BICC1: variants seen among roughly 807,000 people sequenced by gnomAD.
BICC1 encodes BicC family RNA binding protein 1.
A neutral mutation model predicts 111.0 loss-of-function variants in BICC1; 43 were observed. The ratio of observed to expected loss-of-function variants is 0.39; its 90% CI spans 0.30 to 0.50. The LOEUF (loss-of-function observed/expected upper bound fraction) is 0.50. Ranked by LOEUF, BICC1 falls within the 20% of genes least tolerant of loss-of-function variation. The pLI is 0.88. For synonymous variants in BICC1, 467 were observed against 434.4 expected (o/e 1.07, Z -0.93); for missense variants, 1,091 against 1,203.2 (o/e 0.91, Z 1.38).
At chr10:58,810,902 A>G (rs1843882175) in intron 17 of BICC1, among the ~76,000 whole-genome samples, 2 of 152,204 alleles carry the variant, frequency 1.3e-5, no homozygotes, top group Admixed American at 1.3e-4. Context: ...ATAGGTCCTG[A>G]CAGGTGAGGG....
Position 58,534,866 on chromosome 10 carries a change from T to A in BICC1, c.190+21533T>A, listed in dbSNP as rs899501340. ...AAAAATTAGGATATCAATGAAAAAT[T>A]TTTTTTTAAAGAGATAGATTTTTAA... On this transcript the variant is annotated intron_variant, in intron 1 of 20. Coordinates refer to ENST00000373886, the MANE Select transcript of BICC1 (RefSeq NM_001080512.3). 2.8e-4 allele frequency among the ~76,000 whole-genome samples: 42 copies of A among 151,184 alleles called. No individual in the cohort carries two copies. In the East Asian group the frequency reaches 3.1e-3, roughly 11 times the overall value.
intron 15 of BICC1, among the ~76,000 whole-genome samples, chr10:58,803,955 G>A (rs1444401478): frequency 6.6e-6 from 1 of 152,158 alleles, no homozygotes; most frequent in Non-Finnish European, 1.5e-5. Context: ...GACCAGAATT[G>A]CTGAGTAGAC....
chr10:58,679,029 T>C (rs776138886), intron 2 of BICC1, among the ~76,000 whole-genome samples: 1 of 152,178 alleles, frequency 6.6e-6, no homozygotes, highest in South Asian at 2.1e-4. Context: ...GGGACACAGC[T>C]AGAGCAGTGT....
intron 2 of BICC1, among the ~76,000 whole-genome samples, chr10:58,638,003 G>A (rs1838002258): frequency 6.6e-6 from 1 of 152,162 alleles, no homozygotes; most frequent in Non-Finnish European, 1.5e-5. Flanking sequence ...AAGAATCTTG[G>A]ATGTAGGATG....
chr10:58,804,788 C>T (rs1843659863), intron 15 of BICC1, among the ~76,000 whole-genome samples: 1 of 152,082 alleles, frequency 6.6e-6, no homozygotes, highest in South Asian at 2.1e-4. Flanking sequence ...TGTTAGTGAA[C>T]AGTTGACTCT....
At chr10:58,721,255 G>T (rs1840931643) in intron 3 of BICC1, among the ~76,000 whole-genome samples, 2 of 152,124 alleles carry the variant, frequency 1.3e-5, no homozygotes, top group African/African-American at 4.8e-5. Context: ...TCTCTCCCCA[G>T]TCAGGCTTTC....
rs1007118439 is a variant in BICC1 at position 58,830,879 on chromosome 10, TTATG to T, written c.*1990_*1993del. 4 of 152,186 alleles carry T rather than the reference TTATG, an allele frequency of 2.6e-5. No homozygotes were observed. The highest frequency in any genetic ancestry group is 9.7e-5 in the African/African-American group (4 of 41,450). 9.4% of individuals were successfully genotyped at this position (152,186 alleles called of 1,614,324 possible). On this transcript the variant is annotated 3_prime_UTR_variant, in exon 21 of 21. Coordinates refer to ENST00000373886, the MANE Select transcript of BICC1 (RefSeq NM_001080512.3). ...GTAGTACAGGTTAACAATACCAGAT[TTATG>T]TCCTGTTCAACAACTCAGTACTCTA...
At chr10:58,793,150 A>C (rs1208287672) in intron 8 of BICC1, among the ~76,000 whole-genome samples, 1 of 152,230 alleles carries the variant, frequency 6.6e-6, no homozygotes, top group East Asian at 1.9e-4. Context: ...AGTACCCTTG[A>C]TATAGTCGAG....
intron 3 of BICC1, among the ~76,000 whole-genome samples, chr10:58,736,017 C>T (rs1012700487): frequency 1.3e-5 from 2 of 152,106 alleles, no homozygotes; most frequent in Non-Finnish European, 2.9e-5. Context: ...AAAAGTATCA[C>T]GATTACCTAC....
At chr10:58,780,554 T>C (rs112800904) in intron 3 of BICC1, among the ~76,000 whole-genome samples, 6 of 152,276 alleles carry the variant, frequency 3.9e-5, no homozygotes, top group East Asian at 1.9e-4. Context: ...CTCTGTAGCA[T>C]AATAAATGCA....
intron 2 of BICC1, among the ~76,000 whole-genome samples, chr10:58,648,128 T>G (rs1838325032): frequency 6.6e-6 from 1 of 152,226 alleles, no homozygotes; most frequent in Non-Finnish European, 1.5e-5. Flanking sequence ...ATGCTTTGCT[T>G]TTCTAGCAGG....
chr10:58,760,576 A>AT (rs541463156), intron 3 of BICC1, among the ~76,000 whole-genome samples: 150 of 152,148 alleles, frequency 9.9e-4, no homozygotes, highest in African/African-American at 2.4e-3. Context: ...TTTGAGAATT[A>AT]TTTTTTTTAC....
At chr10:58,675,419 A>G (rs1839309638) in intron 2 of BICC1, among the ~76,000 whole-genome samples, 2 of 152,188 alleles carry the variant, frequency 1.3e-5, no homozygotes, top group South Asian at 4.1e-4. Flanking sequence ...TATATATATA[A>G]TAAAATAATA....
At chr10:58,730,501 T>C (rs1242120596) in intron 3 of BICC1, among the ~76,000 whole-genome samples, 2 of 152,100 alleles carry the variant, frequency 1.3e-5, no homozygotes, top group Non-Finnish European at 2.9e-5. Flanking sequence ...ACAGCTCCAC[T>C]AGGCAGTGCC....
At chr10:58,775,900 T>C (rs1842737441) in intron 3 of BICC1, among the ~76,000 whole-genome samples, 1 of 152,204 alleles carries the variant, frequency 6.6e-6, no homozygotes, top group Non-Finnish European at 1.5e-5. Context: ...AAACACAGTC[T>C]TTAGCACACA....
intron 3 of BICC1, among the ~76,000 whole-genome samples, chr10:58,758,075 A>C (rs1349613472): frequency 6.6e-6 from 1 of 152,216 alleles, no homozygotes; most frequent in Non-Finnish European, 1.5e-5. Flanking sequence ...TATCTTAAAA[A>C]AAAATATATG....
rs777533860 is a variant in BICC1 at position 58,774,539 on chromosome 10, G to A, written c.308-10462G>A. Among the ~76,000 whole-genome samples, 53 of 152,228 alleles carry A rather than the reference G, an allele frequency of 3.5e-4. 1 individual carries two copies. Among genetic ancestry groups the A allele is most frequent in the African/African-American group, 1.3e-3 (52 of 41,560 alleles). Reference sequence around the variant, plus strand: ...TGTTCATAATGGAAAATACAGAAGCGCTTAGAGCATAAAATAAAATAGAAA... The same window carrying A: ...TGTTCATAATGGAAAATACAGAAGCACTTAGAGCATAAAATAAAATAGAAA... On this transcript the variant is annotated intron_variant, in intron 3 of 20. Coordinates refer to ENST00000373886, the MANE Select transcript of BICC1 (RefSeq NM_001080512.3).
In BICC1 at chr10:58,667,078, T is replaced by C. The variant is rs545000548; in HGVS notation, c.238-34996T>C. Reference sequence around the variant, plus strand: ...GGAAAAAATTTCAATTTAGTGCCACTGACAGTTTTAAGGAAGGCAAATTAC... The same window carrying C: ...GGAAAAAATTTCAATTTAGTGCCACCGACAGTTTTAAGGAAGGCAAATTAC... On this transcript the variant is annotated intron_variant, in intron 2 of 20. Coordinates refer to ENST00000373886, the MANE Select transcript of BICC1 (RefSeq NM_001080512.3). 2.8e-4 allele frequency among the ~76,000 whole-genome samples: 42 copies of C among 152,226 alleles called. 1 individual carries two copies. The East Asian group carries it at 7.7e-3, about 28-fold the overall frequency.
intron 2 of BICC1, among the ~76,000 whole-genome samples, chr10:58,696,480 A>G (rs1052702526): frequency 6.6e-5 from 10 of 152,202 alleles, no homozygotes; most frequent in African/African-American, 2.4e-4. Context: ...ATGAAGTTAC[A>G]CTTCAATTAT....
Sources: allele counts gnomAD v4.1 joint callset (sites outside exome capture counted in the v4.1 genomes callset), GRCh38; gene constraint gnomAD v4.1.1; transcripts MANE v1.5; gene names NCBI Gene and HGNC (gene_info 2026-07-23, HGNC 2026-07-21).